Variants in DNAH6 observed in about 807,000 individuals in gnomAD.
The protein encoded by DNAH6 is dynein axonemal heavy chain 6.
A neutral mutation model predicts 491.4 loss-of-function variants in DNAH6; 340 were observed. That is an observed-to-expected ratio of 0.69 (90% confidence interval 0.63 to 0.76). DNAH6 has a LOEUF of 0.76. Among genes scored for constraint, DNAH6 ranks in the 30% least tolerant of loss-of-function variants. DNAH6 has a pLI of 0.00. For synonymous variants in DNAH6, 1,603 were observed against 1,686.1 expected, an observed-to-expected ratio of 0.95 and a Z score of 1.21; for missense variants, 4,443 against 4,972.2, an observed-to-expected ratio of 0.89 and a Z score of 3.20.
chr2:84,724,614 C>T (rs573539173), intron 60 of DNAH6, among the ~76,000 whole-genome samples: 4 of 152,324 alleles, frequency 2.6e-5, no homozygotes, highest in South Asian at 4.1e-4. Flanking sequence ...CCTAAATTCT[C>T]CAGCAAAGCC....
chr2:84,566,241 C>T (rs946014904), intron 11 of DNAH6, among the ~76,000 whole-genome samples: 2 of 151,920 alleles, frequency 1.3e-5, no homozygotes, highest in African/African-American at 2.4e-5. Context: ...AAGCACCAGG[C>T]CCAAATGGGG....
intron 45 of DNAH6, among the ~76,000 whole-genome samples, chr2:84,690,704 G>A (rs1232629240): frequency 6.6e-6 from 1 of 152,238 alleles, no homozygotes; most frequent in African/African-American, 2.4e-5. Context: ...GATGTAGACT[G>A]TTCTCTTTTA....
At chr2:84,740,162 C>T (rs1332921669) in intron 62 of DNAH6, among the ~76,000 whole-genome samples, 2 of 151,990 alleles carry the variant, frequency 1.3e-5, no homozygotes, top group Admixed American at 6.5e-5. Flanking sequence ...TGTACAGGTT[C>T]CTTGGTTGCA....
chr2:84,558,184 T>G (rs1680252357), intron 11 of DNAH6, among the ~76,000 whole-genome samples: 1 of 152,062 alleles, frequency 6.6e-6, no homozygotes, highest in Admixed American at 6.6e-5. Flanking sequence ...TCCCAGCACT[T>G]TGGGAGACCG....
At chr2:84,785,865 C>A in intron 67 of DNAH6, 109 bp downstream of exon 67, 1 of 1,171,796 alleles carries the variant, frequency 8.5e-7, no homozygotes, top group Non-Finnish European at 1.1e-6. Flanking sequence ...TGCTGAAGGC[C>A]CCATTCTGTG....
At chr2:84,589,063 T>G (rs551922233) in intron 16 of DNAH6, 109 bp downstream of exon 16, 1 of 1,039,166 alleles carries the variant, frequency 9.6e-7, no homozygotes, top group African/African-American at 1.7e-5. Flanking sequence ...TGGACAACTA[T>G]GTGCTAGTCA....
chr2:84,674,228 G>A (rs1693013706), intron 40 of DNAH6, among the ~76,000 whole-genome samples: 1 of 152,174 alleles, frequency 6.6e-6, no homozygotes, highest in African/African-American at 2.4e-5. Flanking sequence ...CCAAGAGTAT[G>A]GAGTAATGTG....
chr2:84,484,346 T>C, the DNAH6 span, among the ~76,000 whole-genome samples: 1 of 152,194 alleles, frequency 6.6e-6, no homozygotes, highest in African/African-American at 2.4e-5. Flanking sequence ...TGTACTCAAT[T>C]AGAAGAATAG....
At chr2:84,621,591 T>C in intron 26 of DNAH6, 40 bp downstream of exon 26, 2 of 1,286,628 alleles carry the variant, frequency 1.6e-6, no homozygotes, top group Non-Finnish European at 2.1e-6. Context: ...TCCTGCAAGA[T>C]GGTCTTGGTG....
intron 64 of DNAH6, among the ~76,000 whole-genome samples, chr2:84,765,346 G>A (rs745580945): frequency 2.6e-5 from 4 of 151,962 alleles, no homozygotes; most frequent in South Asian, 2.1e-4. Flanking sequence ...ATGAATATGC[G>A]TTGTATTAAC....
chr2:84,733,534 G>C lies in DNAH6; in HGVS notation c.10297G>C (p.Gly3433Arg). ...GGAAGAATCATTTCCAGTTTTTCAC[G>C]GACTTACCCAAAATATATTGTCACA... ...DLEESFPVFH[G>R]LTQNILSHPI... Residue 3433 changes from glycine (G) to arginine (R), a missense_variant, in exon 62 of 77, where the codon GGA (glycine) becomes CGA (arginine). Gly to Arg is a moderately radical substitution (Grantham distance 125). This residue lies in a region of DNAH6 where 1,463 missense variants were observed against 1,656.6 expected (regional missense o/e 0.88). Coordinates refer to ENST00000389394, the MANE Select transcript of DNAH6 (RefSeq NM_001370.2). 1.3e-6 allele frequency: 2 copies of C among 1,551,474 alleles called. No homozygotes were observed. Among genetic ancestry groups the C allele is most frequent in the Non-Finnish European group, 8.7e-7 (1 of 1,146,902 alleles).
At chr2:84,533,863 G>GTTCCTCT (rs1677417220) in intron 4 of DNAH6, among the ~76,000 whole-genome samples, 1 of 152,088 alleles carries the variant, frequency 6.6e-6, no homozygotes, top group African/African-American at 2.4e-5. Flanking sequence ...TAGAGGTCCA[G>GTTCCTCT]AACTATGTGA....
chr2:84,593,272 G>C (rs1297710158), intron 16 of DNAH6, among the ~76,000 whole-genome samples: 1 of 152,112 alleles, frequency 6.6e-6, no homozygotes, highest in Non-Finnish European at 1.5e-5. Context: ...GAGAATAGGA[G>C]TGAAAGCCTA....
chr2:84,488,854 G>A, the DNAH6 span, among the ~76,000 whole-genome samples: 1 of 152,236 alleles, frequency 6.6e-6, no homozygotes, highest in East Asian at 1.9e-4. Context: ...GTGATGTAGG[G>A]CCATTACGTC....
At chr2:84,759,905 A>G (rs929321614) in intron 63 of DNAH6, among the ~76,000 whole-genome samples, 1 of 152,168 alleles carries the variant, frequency 6.6e-6, no homozygotes, top group African/African-American at 2.4e-5. Context: ...TGAAGTGCTG[A>G]CATCAAATTA....
chr2:84,716,295 A>G (rs951038729), intron 58 of DNAH6, among the ~76,000 whole-genome samples: 12 of 151,204 alleles, frequency 7.9e-5, no homozygotes, highest in African/African-American at 1.5e-4. Flanking sequence ...AAACTTTAAA[A>G]ATATTTGTTA....
intron 47 of DNAH6, among the ~76,000 whole-genome samples, chr2:84,698,632 A>G (rs138474827): frequency 9.9e-4 from 151 of 152,350 alleles, no homozygotes; most frequent in African/African-American, 3.4e-3. Flanking sequence ...TAGCTCCAGG[A>G]TAGTTTATCA....
At chr2:84,671,875 A>G (rs1300946840) in intron 39 of DNAH6, among the ~76,000 whole-genome samples, 2 of 152,226 alleles carry the variant, frequency 1.3e-5, no homozygotes, top group Non-Finnish European at 1.5e-5. Context: ...TGATGTGATC[A>G]GGATGCTTTT....
At chr2:84,802,020 T>C (rs949669576) in intron 70 of DNAH6, among the ~76,000 whole-genome samples, 5 of 152,124 alleles carry the variant, frequency 3.3e-5, no homozygotes, top group African/African-American at 1.2e-4. Flanking sequence ...TGAGGGAATT[T>C]GGCACCAGCA....
Sources: gnomAD v4.1 joint callset for allele counts (sites outside exome capture counted in the v4.1 genomes callset) on GRCh38, gnomAD v4.1.1 for gene constraint, gnomAD v4.1.1 regional missense constraint, MANE v1.5 for transcripts, NCBI Gene and HGNC (gene_info 2026-07-23, HGNC 2026-07-21) for gene names.